Variants in OPRD1 observed in about 807,000 individuals in gnomAD.
The protein encoded by OPRD1 is opioid receptor delta 1.
Under a neutral mutation model 17.5 loss-of-function variants are expected in OPRD1, and 19 were observed. The ratio of observed to expected loss-of-function variants is 1.09; its 90% CI spans 0.76 to 1.60. The LOEUF is 1.60. Among genes scored for constraint, OPRD1 ranks in the 40% most tolerant of loss-of-function variants. The pLI is 0.00. For synonymous variants in OPRD1, 256 were observed against 240.9 expected, an observed-to-expected ratio of 1.06 and a Z score of -0.58; for missense variants, 483 against 547.2, an observed-to-expected ratio of 0.88 and a Z score of 1.17.
intron 1 of OPRD1, among the ~76,000 whole-genome samples, chr1:28,817,621 G>A (rs1034188190): frequency 2.0e-5 from 3 of 152,240 alleles, no homozygotes; most frequent in African/African-American, 7.2e-5. Flanking sequence ...ATGACACAGT[G>A]CAGTGGTAAA....
At chr1:28,854,394 T>C (rs1348646410) in intron 1 of OPRD1, among the ~76,000 whole-genome samples, 2 of 139,290 alleles carry the variant, frequency 1.4e-5, no homozygotes, top group Non-Finnish European at 3.0e-5. Flanking sequence ...GCCCAACTAA[T>C]TTTTTTTTTT....
intron 1 of OPRD1, among the ~76,000 whole-genome samples, chr1:28,822,690 A>G (rs2088726487): frequency 6.7e-6 from 1 of 150,286 alleles, no homozygotes; most frequent in Admixed American, 6.6e-5. Context: ...GGGTTTCACC[A>G]TGTTGGCCAG....
intron 1 of OPRD1, among the ~76,000 whole-genome samples, chr1:28,850,009 A>C (rs936596538): frequency 6.6e-6 from 1 of 151,022 alleles, no homozygotes; most frequent in African/African-American, 2.4e-5. Flanking sequence ...CCTCCAGAGT[A>C]TCTGGGACTA....
chr1:28,856,288 C>A (rs1208897073), intron 1 of OPRD1, among the ~76,000 whole-genome samples: 1 of 152,200 alleles, frequency 6.6e-6, no homozygotes, highest in Non-Finnish European at 1.5e-5. Flanking sequence ...AATTCTCAAA[C>A]TTTTGAGTTC....
chr1:28,841,200 G>A (rs577420260), intron 1 of OPRD1, among the ~76,000 whole-genome samples: 1 of 152,332 alleles, frequency 6.6e-6, no homozygotes, highest in South Asian at 2.1e-4. Context: ...TTGTTCTGAT[G>A]TTTATAAGTC....
At chr1:28,832,113 T>A (rs1174508412) in intron 1 of OPRD1, among the ~76,000 whole-genome samples, 1 of 152,232 alleles carries the variant, frequency 6.6e-6, no homozygotes, top group East Asian at 1.9e-4. Context: ...TGAAGCAATG[T>A]CCATGAAGAA....
intron 1 of OPRD1, among the ~76,000 whole-genome samples, chr1:28,819,468 A>G (rs1391589368): frequency 6.6e-6 from 1 of 152,116 alleles, no homozygotes; most frequent in African/African-American, 2.4e-5. Flanking sequence ...TTACAGACGC[A>G]CTGCGGTGGG....
At chr1:28,845,852 C>A (rs542734425) in intron 1 of OPRD1, among the ~76,000 whole-genome samples, 185 of 152,306 alleles carry the variant, frequency 1.2e-3, no homozygotes, top group African/African-American at 4.1e-3. Flanking sequence ...TAAACAATTT[C>A]TCTTTCTAGA....
At chr1:28,862,016 A>C (rs1371236820) in intron 2 of OPRD1, among the ~76,000 whole-genome samples, 1 of 146,058 alleles carries the variant, frequency 6.8e-6, no homozygotes, top group Admixed American at 6.8e-5. Flanking sequence ...GGTTCACACC[A>C]TTCTCCTGCC....
intron 1 of OPRD1, among the ~76,000 whole-genome samples, chr1:28,845,075 T>C (rs2088928275): frequency 6.6e-6 from 1 of 152,066 alleles, no homozygotes; most frequent in Admixed American, 6.6e-5. Context: ...CCGGGCATGG[T>C]GGCTCATGCC....
At chr1:28,836,321 C>T (rs1317197249) in intron 1 of OPRD1, among the ~76,000 whole-genome samples, 1 of 152,030 alleles carries the variant, frequency 6.6e-6, no homozygotes, top group African/African-American at 2.4e-5. Context: ...CAAGACCAAC[C>T]TGGCCAATAT....
Position 28,812,581 on chromosome 1 carries a change from C to T in OPRD1, c.198C>T (p.Gly66=), listed in dbSNP as rs2088641466. 6.4e-7 allele frequency: 1 copy of T among 1,568,154 alleles called. No individual in the cohort carries two copies. The change falls in exon 1 of 3, where the codon GGC becomes GGT. Residue 66 remains glycine (G), a synonymous_variant. Transcript: ENST00000234961. ...YSAVCAVGLL[G]NVLVMFGIVR... ...CCGTGTGCGCCGTGGGGCTGCTGGG[C>T]AACGTGCTTGTCATGTTCGGCATCG...
intron 1 of OPRD1, among the ~76,000 whole-genome samples, chr1:28,850,834 A>T (rs1023322402): frequency 4.1e-5 from 6 of 145,844 alleles, no homozygotes; most frequent in East Asian, 2.0e-4. Context: ...ATAATAATAA[A>T]AGGTCAATGG....
Position 28,862,723 on chromosome 1 carries a change from C to G in OPRD1, c.578-19C>G, listed in dbSNP as rs746895803. The G allele has an allele frequency of 6.4e-7, 1 of 1,569,988 alleles. No individual in the cohort carries two copies. The highest frequency in any genetic ancestry group is 2.2e-5 in the East Asian group (1 of 44,490). ...CAGGCCCCTCACCCCGTCTGTCTTT[C>G]CTTGTTTCCGCGGCCCAGACGGGGC... is the stretch of plus-strand genomic sequence containing the variant. On this transcript the variant is annotated intron_variant, in intron 2 of 2. Transcript: ENST00000234961.
At chr1:28,846,846 T>TTTCTTTCCTTTCTTTCTTTC (rs769212543) in intron 1 of OPRD1, among the ~76,000 whole-genome samples, 1 of 76,912 alleles carries the variant, frequency 1.3e-5, no homozygotes, top group African/African-American at 3.8e-5. Flanking sequence ...TCTTTCTTTC[T>TTTCTTTCCTTTCTTTCTTTC]TTTCTTTCTT....
chr1:28,847,555 T>C (rs1365203799), intron 1 of OPRD1, among the ~76,000 whole-genome samples: 3 of 152,124 alleles, frequency 2.0e-5, no homozygotes, highest in Non-Finnish European at 4.4e-5. Context: ...TAATAAAGGC[T>C]GGGCACAATG....
intron 1 of OPRD1, among the ~76,000 whole-genome samples, chr1:28,818,323 C>T (rs1462046710): frequency 6.6e-6 from 1 of 152,208 alleles, no homozygotes; most frequent in East Asian, 1.9e-4. Context: ...ACAGCTTAAA[C>T]CTCCATACGC....
chr1:28,833,673 T>C (rs1015023265), intron 1 of OPRD1, among the ~76,000 whole-genome samples: 2 of 152,094 alleles, frequency 1.3e-5, no homozygotes, highest in African/African-American at 4.8e-5. Flanking sequence ...TCTAGCCAAG[T>C]CGACACATCA....
At chr1:28,846,584 G>T (rs1198567287) in intron 1 of OPRD1, among the ~76,000 whole-genome samples, 2 of 152,020 alleles carry the variant, frequency 1.3e-5, no homozygotes, top group African/African-American at 4.8e-5. Flanking sequence ...TAGGGAGGCT[G>T]AGGCACGAGA....
Sources: allele counts gnomAD v4.1 joint callset (sites outside exome capture counted in the v4.1 genomes callset), GRCh38; gene constraint gnomAD v4.1.1; transcripts MANE v1.5; gene names NCBI Gene and HGNC (gene_info 2026-07-23, HGNC 2026-07-21).